The following COL11A1 variants were observed in gnomAD, a reference collection of about 807,000 sequenced individuals.
COL11A1 encodes the protein collagen alpha-1(XI) chain.
COL11A1 carries 74 observed loss-of-function variants against 265.2 expected under a neutral mutation model. The observed-to-expected ratio is 0.28, with a 90% CI of 0.23 to 0.34. The LOEUF (loss-of-function observed/expected upper bound fraction) is 0.34. COL11A1 is among the 10% of genes least tolerant of loss of function. The pLI is 1.00. For missense variants in COL11A1, 2,165 were observed against 2,263.6 expected, an observed-to-expected ratio of 0.96 and a Z score of 0.88; for synonymous variants, 816 against 727.6, an observed-to-expected ratio of 1.12 and a Z score of -1.96.
intron 4 of COL11A1, among the ~76,000 whole-genome samples, chr1:103,061,698 C>T (rs1257058738): frequency 6.6e-6 from 1 of 151,772 alleles, no homozygotes; most frequent in African/African-American, 2.4e-5. Flanking sequence ...TATAACTTTT[C>T]TTTGAGGGAA....
At chr1:103,058,838 T>A (rs1380605440) in intron 4 of COL11A1, among the ~76,000 whole-genome samples, 1 of 152,162 alleles carries the variant, frequency 6.6e-6, no homozygotes, top group Non-Finnish European at 1.5e-5. Context: ...CTGTAACTTA[T>A]TTTGGTAATT....
intron 28 of COL11A1, among the ~76,000 whole-genome samples, chr1:102,991,657 A>G (rs1664149042): frequency 6.6e-6 from 1 of 152,142 alleles, no homozygotes; most frequent in Non-Finnish European, 1.5e-5. Flanking sequence ...CATGTTTTGG[A>G]CCTTCAGTAA....
chr1:102,958,963 C>T (rs1303246554), intron 41 of COL11A1, among the ~76,000 whole-genome samples: 1 of 152,142 alleles, frequency 6.6e-6, no homozygotes, highest in Non-Finnish European at 1.5e-5. Context: ...CATTTGTCCT[C>T]ACTGCCCACA....
intron 4 of COL11A1, among the ~76,000 whole-genome samples, chr1:103,058,558 T>C (rs889309932): frequency 1.3e-5 from 2 of 152,200 alleles, no homozygotes; most frequent in Admixed American, 6.5e-5. Flanking sequence ...TTTCTAGCTT[T>C]TGATCTCAAG....
intron 65 of COL11A1, among the ~76,000 whole-genome samples, chr1:102,880,714 C>T (rs1011995575): frequency 2.0e-5 from 3 of 151,638 alleles, no homozygotes; most frequent in Admixed American, 6.6e-5. Flanking sequence ...AAGATGTTCA[C>T]CTAGATTATA....
At chr1:102,998,130 A>G (rs1439131314) in intron 25 of COL11A1, among the ~76,000 whole-genome samples, 180 bp downstream of exon 25, 1 of 152,008 alleles carries the variant, frequency 6.6e-6, no homozygotes, top group African/African-American at 2.4e-5. Flanking sequence ...CCGTGAGCTC[A>G]TTAAAGATTT....
At chr1:102,984,614 A>G (rs1325998686) in intron 30 of COL11A1, among the ~76,000 whole-genome samples, 1 of 152,054 alleles carries the variant, frequency 6.6e-6, no homozygotes, top group African/African-American at 2.4e-5. Context: ...TTTTTGATAC[A>G]GTTATTTCAT....
At chr1:102,987,818 T>C in intron 29 of COL11A1, 78 bp from the exon 30 acceptor site, 1 of 1,052,384 alleles carries the variant, frequency 9.5e-7, no homozygotes, top group Non-Finnish European at 1.5e-6. Flanking sequence ...ATTATGACAG[T>C]GAAAGAGATC....
chr1:103,092,726 C>T (rs1468888035), intron 1 of COL11A1, among the ~76,000 whole-genome samples: 1 of 152,102 alleles, frequency 6.6e-6, no homozygotes, highest in Non-Finnish European at 1.5e-5. Flanking sequence ...AAAGTGATCT[C>T]TCATGTTTCT....
At chr1:103,058,780 G>A (rs1182037346) in intron 4 of COL11A1, among the ~76,000 whole-genome samples, 1 of 152,056 alleles carries the variant, frequency 6.6e-6, no homozygotes, top group Non-Finnish European at 1.5e-5. Context: ...CCATCTTATT[G>A]TGTACATTAT....
intron 48 of COL11A1, among the ~76,000 whole-genome samples, chr1:102,920,843 C>T (rs1268024668): frequency 6.6e-6 from 1 of 152,072 alleles, no homozygotes; most frequent in Admixed American, 6.5e-5. Context: ...CAGTTCTGGC[C>T]TGCCAGAATT....
intron 1 of COL11A1, among the ~76,000 whole-genome samples, chr1:103,107,706 AAGGG>A (rs1344902016): frequency 2.6e-5 from 4 of 152,132 alleles, no homozygotes; most frequent in Non-Finnish European, 5.9e-5. Context: ...GATGTGTTCC[AAGGG>A]CAGTCTAAAG....
At chr1:102,893,526 C>T (rs1043768884) in intron 57 of COL11A1, among the ~76,000 whole-genome samples, 1 of 152,038 alleles carries the variant, frequency 6.6e-6, no homozygotes, top group African/African-American at 2.4e-5. Flanking sequence ...TCTAACTATA[C>T]ATATTTTCTA....
chr1:103,027,345 AC>A (rs1328250387), intron 5 of COL11A1, among the ~76,000 whole-genome samples: 2 of 146,480 alleles, frequency 1.4e-5, no homozygotes, highest in Non-Finnish European at 3.0e-5. Flanking sequence ...AACTAAATAC[AC>A]TAAGTCATAT....
chr1:102,878,475 C>CATACAT (rs1553191040), intron 66 of COL11A1, among the ~76,000 whole-genome samples: 12 of 49,862 alleles, frequency 2.4e-4, no homozygotes, highest in South Asian at 1.5e-3. Flanking sequence ...ATTGAATCCT[C>CATACAT]ATATATATAT....
At chr1:102,944,314 T>C (rs1379006936) in intron 42 of COL11A1, among the ~76,000 whole-genome samples, 1 of 152,112 alleles carries the variant, frequency 6.6e-6, no homozygotes, top group East Asian at 1.9e-4. Context: ...TATCTATAAC[T>C]CCTTTCACTG....
chr1:102,898,057 T>C, intron 57 of COL11A1, 68 bp downstream of exon 57: 1 of 982,170 alleles, frequency 1.0e-6, no homozygotes, highest in East Asian at 2.8e-5. Flanking sequence ...ATGTCAAAAA[T>C]TCTAGCTAAT....
chr1:102,963,796 C>T (rs563038237), intron 38 of COL11A1, among the ~76,000 whole-genome samples: 2 of 152,082 alleles, frequency 1.3e-5, no homozygotes, highest in South Asian at 4.1e-4. Context: ...GTTTTCTTAA[C>T]TATCTGAACA....
intron 31 of COL11A1, among the ~76,000 whole-genome samples, chr1:102,982,267 A>G (rs1663110801): frequency 6.6e-6 from 1 of 152,048 alleles, no homozygotes. Flanking sequence ...AAACAATTCA[A>G]AGATTATTGA....
Sources: allele counts gnomAD v4.1 joint callset (sites outside exome capture counted in the v4.1 genomes callset), GRCh38; gene constraint gnomAD v4.1.1; transcripts MANE v1.5; gene names NCBI Gene and HGNC (gene_info 2026-07-23, HGNC 2026-07-21).